PTPRR: variants seen among roughly 807,000 people sequenced by gnomAD.
The protein encoded by PTPRR is receptor-type tyrosine-protein phosphatase R.
Under a neutral mutation model 77.2 loss-of-function variants are expected in PTPRR, and 38 were observed. That is an observed-to-expected ratio of 0.49 (90% CI 0.38 to 0.65). PTPRR has a LOEUF of 0.65. Ranked by LOEUF, PTPRR falls within the 30% of genes least tolerant of loss-of-function variation. The pLI is 0.00. For synonymous variants in PTPRR, 299 were observed against 283.1 expected (o/e 1.06, Z -0.57); for missense variants, 744 against 799.2 (o/e 0.93, Z 0.83).
chr12:70,842,897 C>T (rs1892421088), intron 2 of PTPRR, among the ~76,000 whole-genome samples: 1 of 152,124 alleles, frequency 6.6e-6, no homozygotes, highest in South Asian at 2.1e-4. Flanking sequence ...GTTCTTCTGC[C>T]TTATAACACC....
chr12:70,765,316 G>A (rs542952314), intron 2 of PTPRR, among the ~76,000 whole-genome samples: 56 of 152,250 alleles, frequency 3.7e-4, no homozygotes, highest in African/African-American at 1.1e-3. Context: ...CCAATACTGC[G>A]CTTTTCCGAC....
chr12:70,656,239 A>ATAAC (rs376125094), intron 13 of PTPRR, among the ~76,000 whole-genome samples: 36 of 151,688 alleles, frequency 2.4e-4, no homozygotes, highest in African/African-American at 8.2e-4. Flanking sequence ...AAATAAATAA[A>ATAAC]TAACTTCAGG....
At chr12:70,794,725 A>G (rs945520369) in intron 2 of PTPRR, among the ~76,000 whole-genome samples, 5 of 152,214 alleles carry the variant, frequency 3.3e-5, no homozygotes, top group Admixed American at 2.0e-4. Flanking sequence ...GAACCCCAGC[A>G]GCAATCAGAG....
intron 2 of PTPRR, among the ~76,000 whole-genome samples, chr12:70,864,296 T>C (rs1290109097): frequency 6.6e-6 from 1 of 152,192 alleles, no homozygotes; most frequent in African/African-American, 2.4e-5. Flanking sequence ...AGCTTATTTC[T>C]TGGGAATGCT....
intron 2 of PTPRR, among the ~76,000 whole-genome samples, chr12:70,829,668 G>T (rs570019549): frequency 1.0e-3 from 156 of 152,260 alleles, no homozygotes; most frequent in African/African-American, 3.6e-3. Flanking sequence ...ACTGAGAAGT[G>T]TTTTTCAATT....
intron 10 of PTPRR, among the ~76,000 whole-genome samples, chr12:70,663,623 A>C (rs1015983588): frequency 2.6e-5 from 4 of 152,176 alleles, no homozygotes; most frequent in Non-Finnish European, 4.4e-5. Flanking sequence ...GCATACATAT[A>C]ATCTCATTTT....
At chr12:70,754,356 G>T in intron 4 of PTPRR, 55 bp from the exon 5 acceptor site, 2 of 1,603,762 alleles carry the variant, frequency 1.2e-6, no homozygotes. Context: ...GAAAACTGGC[G>T]TTCTTATCAG....
rs528922325 is a variant in PTPRR, at chr12:70,750,041, A to G, written c.739-3955T>C. Among the ~76,000 whole-genome samples, 115 of 152,226 alleles carry G rather than the reference A, an allele frequency of 7.6e-4. 1 individual carries two copies. The highest frequency in any genetic ancestry group is 2.5e-3 in the African/African-American group (104 of 41,548). On this transcript the variant is annotated intron_variant, in intron 5 of 13. Coordinates refer to ENST00000283228, the MANE Select transcript of PTPRR (RefSeq NM_002849.4). The stretch of plus-strand genomic sequence containing the variant: ...TTGCCCACACATTTTTTCTTGGAAA[A>G]CTGTATTTTTCTATTTGTCGCTCCA...
chr12:70,743,913 T>A (rs1890130428), intron 6 of PTPRR, among the ~76,000 whole-genome samples: 1 of 152,180 alleles, frequency 6.6e-6, no homozygotes, highest in Non-Finnish European at 1.5e-5. Context: ...TATTCTGACC[T>A]TGCTTAGAAT....
intron 6 of PTPRR, among the ~76,000 whole-genome samples, chr12:70,728,020 C>T (rs1889505464): frequency 6.8e-6 from 1 of 147,786 alleles, no homozygotes; most frequent in Admixed American, 6.7e-5. Context: ...CCCCACTAGC[C>T]TACCTCTTCC....
intron 2 of PTPRR, among the ~76,000 whole-genome samples, chr12:70,782,471 A>G: frequency 6.6e-6 from 1 of 152,178 alleles, no homozygotes; most frequent in East Asian, 1.9e-4. Flanking sequence ...TGGATTAAGA[A>G]AATGTGGCAC....
At chr12:70,680,671 C>T (rs941067388) in intron 10 of PTPRR, among the ~76,000 whole-genome samples, 1 of 151,976 alleles carries the variant, frequency 6.6e-6, no homozygotes, top group African/African-American at 2.4e-5. Flanking sequence ...AGCAGCCAGT[C>T]TGCCAGCTTG....
chr12:70,644,239 C>T (rs12229975), intron 13 of PTPRR, among the ~76,000 whole-genome samples: 21,280 of 152,074 alleles, frequency 0.14, 2,384 homozygotes, highest in East Asian at 0.52. Context: ...TTTTATTGTG[C>T]GTCAGATATT....
intron 2 of PTPRR, among the ~76,000 whole-genome samples, chr12:70,866,282 C>T (rs149495772): frequency 0.014 from 2,082 of 152,014 alleles, 20 homozygotes; most frequent in Middle Eastern, 0.041. Context: ...ATCGATAGAC[C>T]GCTAGCAAGA....
intron 2 of PTPRR, among the ~76,000 whole-genome samples, chr12:70,857,078 C>T (rs1892664928): frequency 6.6e-6 from 1 of 152,080 alleles, no homozygotes; most frequent in Admixed American, 6.6e-5. Flanking sequence ...GTGTTTGGTT[C>T]TGGAGCTCTA....
chr12:70,738,009 G>A (rs1889927433), intron 6 of PTPRR, among the ~76,000 whole-genome samples: 1 of 152,178 alleles, frequency 6.6e-6, no homozygotes, highest in African/African-American at 2.4e-5. Context: ...AAGCGAGGCA[G>A]ATACATCAGG....
intron 6 of PTPRR, among the ~76,000 whole-genome samples, chr12:70,721,975 G>A (rs924005628): frequency 6.6e-6 from 1 of 152,244 alleles, no homozygotes; most frequent in East Asian, 1.9e-4. Flanking sequence ...TTTGGCATGG[G>A]AAGTATTGTA....
chr12:70,642,447 C>A (rs1327393327), intron 13 of PTPRR, among the ~76,000 whole-genome samples: 2 of 152,106 alleles, frequency 1.3e-5, no homozygotes, highest in Non-Finnish European at 1.5e-5. Flanking sequence ...AGGTATTTAA[C>A]AAGGATCCCT....
intron 13 of PTPRR, among the ~76,000 whole-genome samples, chr12:70,647,061 C>A (rs1381195169): frequency 2.6e-5 from 4 of 151,982 alleles, no homozygotes; most frequent in Admixed American, 2.6e-4. Flanking sequence ...ACAAGTGAGG[C>A]CTTTGGATGT....
Sources: gnomAD v4.1 joint callset for allele counts (sites outside exome capture counted in the v4.1 genomes callset) on GRCh38, gnomAD v4.1.1 for gene constraint, MANE v1.5 for transcripts, NCBI Gene and HGNC (gene_info 2026-07-23, HGNC 2026-07-21) for gene names.